Variants in MRTFA observed in about 807,000 individuals in gnomAD.
The protein encoded by MRTFA is myocardin related transcription factor A.
MRTFA carries 20 observed loss-of-function variants against 83.5 expected under a neutral mutation model. The observed-to-expected ratio is 0.24, with a 90% CI of 0.17 to 0.35. The LOEUF (loss-of-function observed/expected upper bound fraction) is 0.35, where lower values mean the gene tolerates loss of function less well. Among genes scored for constraint, MRTFA ranks in the 10% least tolerant of loss-of-function variants. The probability of loss-of-function intolerance (pLI) is 1.00; values close to 1 mark genes in which losing one functional copy is unlikely to be tolerated. For synonymous variants in MRTFA, 659 were observed against 541.2 expected (o/e 1.22, Z -3.02); for missense variants, 1,200 against 1,224.7 (o/e 0.98, Z 0.30).
intron 2 of MRTFA, among the ~76,000 whole-genome samples, chr22:40,574,899 T>C (rs2055846955): frequency 6.6e-6 from 1 of 152,200 alleles, no homozygotes; most frequent in African/African-American, 2.4e-5. Context: ...GATGAACGAC[T>C]ACAGTTGTGA....
Position 40,605,489 on chromosome 22 carries a change from T to C in MRTFA, c.-83-10754A>G, listed in dbSNP as rs1298298325. ...AGCAAAGATACAGTATGTGTGCACCTTGTAGGTCATGGGATGAAATCTGGA... is the reference window on the plus strand; with the variant it reads ...AGCAAAGATACAGTATGTGTGCACCCTGTAGGTCATGGGATGAAATCTGGA... On this transcript the variant is annotated intron_variant, in intron 1 of 14. Transcript: ENST00000355630. 5.9e-5 allele frequency among the ~76,000 whole-genome samples: 9 copies of C among 152,202 alleles called. 1 individual carries two copies. Among genetic ancestry groups the C allele is most frequent in the Admixed American group, 5.9e-4 (9 of 15,286 alleles).
chr22:40,599,606 A>G (rs993500103), intron 1 of MRTFA, among the ~76,000 whole-genome samples: 2 of 152,122 alleles, frequency 1.3e-5, no homozygotes, highest in Non-Finnish European at 2.9e-5. Context: ...CAAAGGATAA[A>G]AGGAAAGTTG....
At chr22:40,548,003 C>G (rs2055391819) in intron 3 of MRTFA, among the ~76,000 whole-genome samples, 1 of 152,058 alleles carries the variant, frequency 6.6e-6, no homozygotes, top group African/African-American at 2.4e-5. Flanking sequence ...TTTTCAAAGG[C>G]TCACTCATTG....
intron 3 of MRTFA, among the ~76,000 whole-genome samples, chr22:40,496,068 A>G (rs571774762): frequency 1.4e-5 from 2 of 147,854 alleles, no homozygotes; most frequent in African/African-American, 2.5e-5. Context: ...TCAGTCTCAG[A>G]AAAAAAAAAA....
intron 3 of MRTFA, among the ~76,000 whole-genome samples, chr22:40,518,156 A>G (rs569338518): frequency 6.6e-6 from 1 of 152,256 alleles, no homozygotes; most frequent in Non-Finnish European, 1.5e-5. Context: ...AAGGGCCTTC[A>G]TAAGTTCTGT....
At chr22:40,483,992 T>G (rs1399575178) in intron 3 of MRTFA, among the ~76,000 whole-genome samples, 1 of 152,024 alleles carries the variant, frequency 6.6e-6, no homozygotes, top group Non-Finnish European at 1.5e-5. Flanking sequence ...CAGGCTTTGC[T>G]GGGATTGGGC....
intron 4 of MRTFA, among the ~76,000 whole-genome samples, chr22:40,459,811 AC>A (rs2053666480): frequency 8.4e-6 from 1 of 118,974 alleles, no homozygotes; most frequent in Non-Finnish European, 1.7e-5. Context: ...ACACACACAC[AC>A]ACACACACAC....
intron 3 of MRTFA, among the ~76,000 whole-genome samples, chr22:40,465,508 T>C (rs1392412522): frequency 6.6e-6 from 1 of 152,218 alleles, no homozygotes; most frequent in Non-Finnish European, 1.5e-5. Flanking sequence ...GACACTGTTT[T>C]ACATTCTTTT....
At chr22:40,488,361 T>G (rs887036799) in intron 3 of MRTFA, among the ~76,000 whole-genome samples, 2 of 152,140 alleles carry the variant, frequency 1.3e-5, no homozygotes, top group African/African-American at 4.8e-5. Context: ...TCTAGAACTG[T>G]GCTATCAGAC....
intron 3 of MRTFA, among the ~76,000 whole-genome samples, chr22:40,467,749 ACTT>A (rs1156461298): frequency 6.6e-6 from 1 of 152,170 alleles, no homozygotes. Context: ...GTATATCACT[ACTT>A]AGATTTGCTC....
chr22:40,553,125 T>C (rs1479602609), intron 2 of MRTFA, among the ~76,000 whole-genome samples: 1 of 152,122 alleles, frequency 6.6e-6, no homozygotes, highest in Admixed American at 6.5e-5. Context: ...AGAGATGATT[T>C]AGGGTATCTG....
chr22:40,584,905 C>T (rs1365361307), intron 2 of MRTFA, among the ~76,000 whole-genome samples: 2 of 151,588 alleles, frequency 1.3e-5, no homozygotes, highest in African/African-American at 4.8e-5. Flanking sequence ...ATTAGCTGGG[C>T]GTGGTGGCGC....
At chr22:40,580,476 G>T (rs1392813344) in intron 2 of MRTFA, among the ~76,000 whole-genome samples, 1 of 152,110 alleles carries the variant, frequency 6.6e-6, no homozygotes, top group Non-Finnish European at 1.5e-5. Flanking sequence ...TGGGATTACA[G>T]GTGTCAGCCA....
intron 1 of MRTFA, among the ~76,000 whole-genome samples, chr22:40,613,565 T>C (rs929335185): frequency 6.6e-5 from 10 of 152,288 alleles, no homozygotes; most frequent in African/African-American, 2.4e-4. Flanking sequence ...GGTTTTAATT[T>C]GTATTTCTGT....
At chr22:40,418,237 C>G (rs1487223685) in intron 12 of MRTFA, 137 bp downstream of exon 12, 2 of 1,454,688 alleles carry the variant, frequency 1.4e-6, no homozygotes, top group Non-Finnish European at 1.8e-6. Context: ...GTCTCAGTAC[C>G]CCCCTGGTGA....
intron 9 of MRTFA, 64 bp from the exon 10 acceptor site, chr22:40,421,164 C>CA (rs2052831007): frequency 6.7e-7 from 1 of 1,489,790 alleles, no homozygotes; most frequent in Admixed American, 2.4e-5. Flanking sequence ...GTGGGGCTGG[C>CA]AACTCTCCCC....
intron 3 of MRTFA, among the ~76,000 whole-genome samples, chr22:40,548,216 G>C (rs531218367): frequency 6.6e-6 from 1 of 151,512 alleles, no homozygotes; most frequent in East Asian, 2.0e-4. Flanking sequence ...AAAATTATCC[G>C]GGCATGGTGG....
chr22:40,411,667 A>G lies in MRTFA; in HGVS notation c.2819T>C (p.Ile940Thr), dbSNP rs1002921495. ...CAGCATCTGGCTATGGAGGTCGTCA[A>G]TGAGGGAAAGGGGCTCTGGCCCGTC... is the stretch of plus-strand genomic sequence containing the variant. The change falls in exon 15 of 15, where the codon ATT becomes ACT. Residue 940 changes from isoleucine to threonine, a missense_variant. Physicochemically the swap from Ile to Thr is moderately conservative, Grantham distance 89. Coordinates refer to ENST00000355630, the MANE Select transcript of MRTFA (RefSeq NM_020831.6). 15 of 1,610,386 alleles carry G rather than the reference A, an allele frequency of 9.3e-6. No homozygotes were observed. The highest frequency in any genetic ancestry group is 1.3e-5 in the Non-Finnish European group (15 of 1,178,144).
At chr22:40,496,019 T>C (rs1034953469) in intron 3 of MRTFA, among the ~76,000 whole-genome samples, 6 of 151,412 alleles carry the variant, frequency 4.0e-5, no homozygotes, top group East Asian at 1.9e-4. Flanking sequence ...TGAGCCAAGA[T>C]TGCACCACTG....
Sources: allele counts gnomAD v4.1 joint callset (sites outside exome capture counted in the v4.1 genomes callset), GRCh38; gene constraint gnomAD v4.1.1; transcripts MANE v1.5; gene names NCBI Gene and HGNC (gene_info 2026-07-23, HGNC 2026-07-21).